TBC1D5: variants seen among roughly 807,000 people sequenced by gnomAD.
TBC1D5 encodes the protein TBC1 domain family, member 5.
In TBC1D5, 75 loss-of-function variants were observed where a neutral mutation model predicts 100.3. That is an observed-to-expected ratio of 0.75 (90% CI 0.62 to 0.91). The LOEUF is 0.91. Ranked by LOEUF, TBC1D5 falls within the 40% of genes least tolerant of loss-of-function variation. TBC1D5 has a pLI of 0.00. For missense variants in TBC1D5, 910 were observed against 942.4 expected (o/e 0.97, Z 0.45); for synonymous variants, 323 against 325.6 (o/e 0.99, Z 0.09).
Position 17,428,413 on chromosome 3 carries a change from A to G in TBC1D5, c.167+37T>C, listed in dbSNP as rs9872396. ...ATATTATATGTGTGTGTGTGTGTGT[A>G]TATATATATATATATATATATGTAT... On this transcript the variant is annotated intron_variant, in intron 4 of 21. Transcript: ENST00000253692. 6.0e-3 allele frequency: 1,305 copies of G among 217,446 alleles called. 9 individuals are homozygous for G. The highest frequency in any genetic ancestry group is 3.2e-3 in the African/African-American group (126 of 39,040). The allele number at this position is 217,446 out of a possible 1,614,324, so 13.5% of individuals were successfully genotyped here. A position where few individuals can be genotyped will look rare whatever the true frequency, so the allele number is the denominator to read the frequency against.
intron 18 of TBC1D5, among the ~76,000 whole-genome samples, chr3:17,192,912 T>C (rs1248406899): frequency 6.6e-6 from 1 of 152,240 alleles, no homozygotes; most frequent in East Asian, 1.9e-4. Flanking sequence ...TTCATAACAA[T>C]CACTGAGCCC....
intron 3 of TBC1D5, among the ~76,000 whole-genome samples, chr3:17,466,728 C>T (rs2095306943): frequency 6.6e-6 from 1 of 151,748 alleles, no homozygotes; most frequent in African/African-American, 2.4e-5. Flanking sequence ...ATAAAGAGTC[C>T]TTGATTTTAC....
At chr3:17,203,538 C>T (rs761587310) in intron 18 of TBC1D5, among the ~76,000 whole-genome samples, 2 of 152,154 alleles carry the variant, frequency 1.3e-5, no homozygotes, top group Non-Finnish European at 2.9e-5. Flanking sequence ...GTTTGGATTT[C>T]TGTCTCCACC....
At position 17,526,279 on chromosome 3, in the gene TBC1D5, G is replaced by A. The variant is rs184958397; in HGVS notation, c.-35-17674C>T. Among the ~76,000 whole-genome samples, 3 of 152,206 alleles carry A rather than the reference G, an allele frequency of 2.0e-5. No homozygotes were observed. In the East Asian group the frequency reaches 5.8e-4, roughly 29 times the overall value. On this transcript the variant is annotated intron_variant, in intron 2 of 21. Coordinates refer to ENST00000253692, the Ensembl canonical transcript of TBC1D5. ...GTTGCATACACTGGAATGCAGCGGT[G>A]CATTCATAGCTCACTGCACTCTCCA...
intron 5 of TBC1D5, among the ~76,000 whole-genome samples, chr3:17,405,518 T>C (rs972997707): frequency 2.0e-5 from 3 of 152,058 alleles, no homozygotes; most frequent in Non-Finnish European, 4.4e-5. Flanking sequence ...TTTAATTTAG[T>C]TTAATACAAT....
intron 10 of TBC1D5, among the ~76,000 whole-genome samples, chr3:17,375,490 C>T (rs1280621514): frequency 1.3e-5 from 2 of 151,846 alleles, no homozygotes; most frequent in Non-Finnish European, 2.9e-5. Context: ...TCACTTGAAC[C>T]CGTAAGGCAG....
At chr3:17,479,414 A>G (rs1290641483) in intron 3 of TBC1D5, among the ~76,000 whole-genome samples, 2 of 152,242 alleles carry the variant, frequency 1.3e-5, no homozygotes, top group African/African-American at 4.8e-5. Context: ...AAATAAAGAA[A>G]GGAAACACTT....
intron 1 of TBC1D5, among the ~76,000 whole-genome samples, chr3:17,682,500 A>G (rs2069632491): frequency 6.6e-6 from 1 of 151,478 alleles, no homozygotes; most frequent in Non-Finnish European, 1.5e-5. Context: ...ACTTGTCACA[A>G]GAGAACTTAG....
intron 3 of TBC1D5, among the ~76,000 whole-genome samples, chr3:17,485,204 C>T (rs989043018): frequency 7.2e-5 from 11 of 151,736 alleles, no homozygotes; most frequent in African/African-American, 2.4e-4. Context: ...GTTTGTGATT[C>T]CTCTGTTTAT....
At position 17,197,856 on chromosome 3, in the gene TBC1D5, G is replaced by C. The variant is rs538469834; in HGVS notation, c.1753-12648C>G. The stretch of plus-strand genomic sequence containing the variant: ...GTTCAAGACCAGCCTGGGCAACATG[G>C]TGAAACCCCATGTCTACAAAAAATA... On this transcript the variant is annotated intron_variant, in intron 18 of 21. Transcript: ENST00000253692. Among the ~76,000 whole-genome samples, 122 of 152,216 alleles carry C rather than the reference G, an allele frequency of 8.0e-4. 2 individuals are homozygous for C. The South Asian group carries it at 0.013, about 16-fold the overall frequency.
intron 13 of TBC1D5, among the ~76,000 whole-genome samples, chr3:17,362,053 C>CAATTCAGAACCA (rs1306677841): frequency 1.3e-5 from 2 of 151,930 alleles, no homozygotes; most frequent in African/African-American, 2.4e-5. Context: ...AAAGGGTAGT[C>CAATTCAGAACCA]TTTCCACAAA....
intron 8 of TBC1D5, among the ~76,000 whole-genome samples, chr3:17,400,113 C>T (rs2093608435): frequency 3.3e-5 from 5 of 152,126 alleles, no homozygotes; most frequent in Admixed American, 3.3e-4. Flanking sequence ...CTAAAATATA[C>T]AACCTGTGAT....
chr3:17,492,085 A>G (rs931351490), intron 3 of TBC1D5, among the ~76,000 whole-genome samples: 1 of 152,030 alleles, frequency 6.6e-6, no homozygotes, highest in Admixed American at 6.5e-5. Flanking sequence ...ATTTGCATAG[A>G]GTTGTTCACA....
At chr3:17,455,221 T>TACA (rs1202866603) in intron 3 of TBC1D5, among the ~76,000 whole-genome samples, 1 of 146,044 alleles carries the variant, frequency 6.8e-6, no homozygotes, top group Non-Finnish European at 1.5e-5. Context: ...TATACATATA[T>TACA]ATTATATATT....
intron 3 of TBC1D5, among the ~76,000 whole-genome samples, chr3:17,502,392 T>C (rs2095797223): frequency 6.7e-6 from 1 of 149,470 alleles, no homozygotes. Context: ...TCTTAGCTTC[T>C]TTGGTATCAC....
At chr3:17,205,785 T>C (rs1575950393) in intron 18 of TBC1D5, among the ~76,000 whole-genome samples, 1 of 152,062 alleles carries the variant, frequency 6.6e-6, no homozygotes, top group Admixed American at 6.6e-5. Context: ...CACGTGTGTG[T>C]GATATAATTG....
At chr3:17,540,601 G>C (rs1199867332) in intron 2 of TBC1D5, among the ~76,000 whole-genome samples, 1 of 151,846 alleles carries the variant, frequency 6.6e-6, no homozygotes, top group East Asian at 1.9e-4. Context: ...AATAGTCCTG[G>C]TACTCTTGTT....
At chr3:17,201,998 T>A (rs989711807) in intron 18 of TBC1D5, among the ~76,000 whole-genome samples, 1 of 152,034 alleles carries the variant, frequency 6.6e-6, no homozygotes, top group East Asian at 1.9e-4. Flanking sequence ...CAGGCAGAGG[T>A]TGGAACAGTT....
At chr3:17,622,915 T>C (rs962963243) in intron 2 of TBC1D5, 4 of 152,232 alleles carry the variant, frequency 2.6e-5, no homozygotes, top group African/African-American at 9.6e-5. Context: ...CATGAAGCTT[T>C]CTACATAATA....
Sources: gnomAD v4.1 joint callset for allele counts (sites outside exome capture counted in the v4.1 genomes callset) on GRCh38, gnomAD v4.1.1 for gene constraint, MANE v1.5 for transcripts, NCBI Gene and HGNC (gene_info 2026-07-23, HGNC 2026-07-21) for gene names.